The following KRTAP4-16 variants were observed in gnomAD, a reference collection of about 807,000 sequenced individuals.
KRTAP4-16 encodes keratin associated protein 4-16, also known as keratin-associated protein 4-16.
For synonymous variants in KRTAP4-16, 140 were observed against 88.8 expected, an observed-to-expected ratio of 1.58 and a Z score of -3.24; for missense variants, 378 against 233.5, an observed-to-expected ratio of 1.62 and a Z score of -4.03.
exon 1 of KRTAP4-16, chr17:41,101,530 C>T: frequency 2.6e-6 from 1 of 387,532 alleles, no homozygotes; most frequent in South Asian, 2.2e-5. Flanking sequence ...GGGATTAACA[C>T]TGGGGAAATG....
exon 1 of KRTAP4-16, chr17:41,101,982 C>A: frequency 5.7e-6 from 9 of 1,588,932 alleles, no homozygotes; most frequent in Non-Finnish European, 7.7e-6. Flanking sequence ...GGCAGCAGGT[C>A]GTCCTGCAGC....
chr17:41,102,054 C>A, exon 1 of KRTAP4-16: 2 of 1,602,120 alleles, frequency 1.2e-6, no homozygotes, highest in East Asian at 2.3e-5. Context: ...AATGGCAGCA[C>A]TGGGGTCTGC....
At chr17:41,102,016 C>A in exon 1 of KRTAP4-16, 1 of 1,582,944 alleles carries the variant, frequency 6.3e-7, no homozygotes, top group Non-Finnish European at 8.5e-7. Context: ...GCAGCTGGGG[C>A]GGCAGCAGGT....
At chr17:41,102,201 AC>A in the KRTAP4-16 span, 9 of 1,142,390 alleles carry the variant, frequency 7.9e-6, no homozygotes, top group Admixed American at 3.6e-5. Context: ...GCATCTTTGA[AC>A]TGCACATAGT....
At chr17:41,102,173 A>T in exon 1 of KRTAP4-16, 2 of 1,390,092 alleles carry the variant, frequency 1.4e-6, no homozygotes, top group Non-Finnish European at 2.0e-6. Context: ...CACAGACTGG[A>T]AGCACTGGGG....
chr17:41,102,172 G>T, exon 1 of KRTAP4-16: 1 of 1,392,296 alleles, frequency 7.2e-7, no homozygotes, highest in South Asian at 1.2e-5. Context: ...ACACAGACTG[G>T]AAGCACTGGG....
exon 1 of KRTAP4-16, chr17:41,102,197 T>C: frequency 8.5e-7 from 1 of 1,172,408 alleles, no homozygotes; most frequent in Non-Finnish European, 1.3e-6. Flanking sequence ...CATGGCATCT[T>C]TGAACTGCAC....
exon 1 of KRTAP4-16, chr17:41,101,638 G>C (rs542855283): frequency 6.0e-6 from 3 of 502,758 alleles, no homozygotes; most frequent in Admixed American, 5.5e-5. Flanking sequence ...GAGGAGGGGA[G>C]GGGAAGGGCG....
chr17:41,101,793 G>T, the KRTAP4-16 span: 1 of 1,560,036 alleles, frequency 6.4e-7, no homozygotes, highest in East Asian at 2.4e-5. Context: ...AAGTGACGTG[G>T]CAGGAGACTC....
exon 1 of KRTAP4-16, chr17:41,102,207 C>T (rs1341507231): frequency 1.8e-6 from 2 of 1,096,822 alleles, no homozygotes; most frequent in Admixed American, 3.8e-5. Context: ...TTGAACTGCA[C>T]ATAGTAAAAT....
At chr17:41,102,191 G>C (rs886878720) in exon 1 of KRTAP4-16, 4 of 1,262,212 alleles carry the variant, frequency 3.2e-6, no homozygotes, top group Non-Finnish European at 4.6e-6. Context: ...GGGCTGCATG[G>C]CATCTTTGAA....
exon 1 of KRTAP4-16, chr17:41,101,647 C>A (rs1363684568): frequency 2.3e-6 from 1 of 436,574 alleles, no homozygotes; most frequent in Non-Finnish European, 4.1e-6. Flanking sequence ...AGGGGAAGGG[C>A]GGGGAGGGGA....
chr17:41,102,175 G>T, exon 1 of KRTAP4-16: 1 of 1,379,082 alleles, frequency 7.3e-7, no homozygotes, highest in Non-Finnish European at 1.0e-6. Flanking sequence ...CAGACTGGAA[G>T]CACTGGGGCT....
exon 1 of KRTAP4-16, chr17:41,101,800 A>G (rs1469687702): frequency 6.4e-7 from 1 of 1,566,062 alleles, no homozygotes; most frequent in Admixed American, 1.9e-5. Context: ...GTGGCAGGAG[A>G]CTCGACCACA....
exon 1 of KRTAP4-16, chr17:41,101,914 A>G: frequency 6.2e-7 from 1 of 1,606,348 alleles, no homozygotes; most frequent in Non-Finnish European, 8.5e-7. Flanking sequence ...GGTGGGCTGG[A>G]AGCACACGGA....
exon 1 of KRTAP4-16, chr17:41,101,905 G>A (rs2013992407): frequency 6.2e-7 from 1 of 1,610,914 alleles, no homozygotes; most frequent in African/African-American, 1.3e-5. Flanking sequence ...GTGGCAGCAG[G>A]TGGGCTGGAA....
exon 1 of KRTAP4-16, chr17:41,101,900 A>T: frequency 6.2e-7 from 1 of 1,611,034 alleles, no homozygotes; most frequent in Non-Finnish European, 8.5e-7. Context: ...CTGGGGTGGC[A>T]GCAGGTGGGC....
At position 41,102,033 on chromosome 17, in the gene KRTAP4-16, G is replaced by A. The variant is rs541034386; in HGVS notation, c.177C>T (p.Cys59=). 3.1e-6 allele frequency: 5 copies of A among 1,589,994 alleles called. No individual in the cohort carries two copies. The South Asian group carries it at 5.5e-5, about 18-fold the overall frequency. Residue 59 remains cysteine, a synonymous_variant, in exon 1 of 1, where the codon TGC becomes TGT. Transcript: ENST00000440582. The stretch of plus-strand genomic sequence containing the variant: ...AGCTGGGGCGGCAGCAGGTGGGCTG[G>A]CAGCACACGGAATGGCAGCACTGGG...
At position 41,101,979 on chromosome 17, in the gene KRTAP4-16, G is replaced by C. The variant is rs768323942; in HGVS notation, c.231C>G (p.Thr77=). 3 of 1,603,598 alleles carry C rather than the reference G, an allele frequency of 1.9e-6. No homozygotes were observed. The South Asian group carries it at 3.3e-5, about 18-fold the overall frequency. ...ACACACAGCAGCTGGGGTGGCAGCAGGTCGTCCTGCAGCAGGTGGTCTGAC... is the reference window on the plus strand; with the variant it reads ...ACACACAGCAGCTGGGGTGGCAGCACGTCGTCCTGCAGCAGGTGGTCTGAC... The change falls in exon 1 of 1, where the codon ACC becomes ACG. Residue 77 remains threonine, a synonymous_variant. Coordinates refer to ENST00000440582, the Ensembl canonical transcript of KRTAP4-16.
Sources: gnomAD v4.1 joint callset for allele counts on GRCh38, gnomAD v4.1.1 for gene constraint, MANE v1.5 for transcripts, NCBI Gene and HGNC (gene_info 2026-07-23, HGNC 2026-07-21) for gene names.